Variants in SHH observed in about 807,000 individuals in gnomAD.
The protein encoded by SHH is sonic hedgehog protein.
A neutral mutation model predicts 16.6 loss-of-function variants in SHH; 3 were observed. The ratio of observed to expected loss-of-function variants is 0.18; its 90% CI spans 0.08 to 0.47. The LOEUF is 0.47. Ranked by LOEUF, SHH falls within the 20% of genes least tolerant of loss-of-function variation. The pLI, the probability that SHH is intolerant of heterozygous loss-of-function variation, is 0.98. For missense variants in SHH, 499 were observed against 665.0 expected (o/e 0.75, Z 2.75); for synonymous variants, 351 against 316.2 (o/e 1.11, Z -1.17).
rs777855133 is a variant in SHH, at chr7:155,803,041, G to A, written c.1248C>T (p.Thr416=). The A allele has an allele frequency of 6.5e-7, 1 of 1,527,928 alleles. No individual in the cohort carries two copies. Among genetic ancestry groups the A allele is most frequent in the Admixed American group, 2.0e-5 (1 of 50,452 alleles). 94.6% of individuals were successfully genotyped at this position (1,527,928 alleles called of 1,614,324 possible). A position where few individuals can be genotyped will look rare whatever the true frequency, so the allele number is the denominator to read the frequency against. Residue 416 remains threonine (T), a synonymous_variant, in exon 3 of 3, where the codon ACC becomes ACT. Coordinates refer to ENST00000297261, the MANE Select transcript of SHH (RefSeq NM_000193.4). The stretch of plus-strand genomic sequence containing the variant: ...CCGGAGCGTCGGCAGCACCTGGAGC[G>A]GTTAGGGCTACTCTGCCGCCGCCGC... The part of the protein sequence containing the change: ...RGGGGGRVAL[T]APGAADAPGA...
chr7:155,806,686 G>A (rs1445263802), intron 1 of SHH, 129 bp from the exon 2 acceptor site: 5 of 1,211,588 alleles, frequency 4.1e-6, no homozygotes, highest in Non-Finnish European at 6.1e-6. Flanking sequence ...GTGGGGAGAC[G>A]GGGGTTGGAA....
intron 1 of SHH, among the ~76,000 whole-genome samples, chr7:155,811,349 A>C (rs1803518597): frequency 6.6e-6 from 1 of 152,154 alleles, no homozygotes. Flanking sequence ...AGGCAACGGG[A>C]AACGTGGGGG....
At chr7:155,806,209 C>T in intron 2 of SHH, 87 bp downstream of exon 2, 1 of 1,544,854 alleles carries the variant, frequency 6.5e-7, no homozygotes, top group Non-Finnish European at 8.9e-7. Flanking sequence ...CCTCAGCCTC[C>T]CCCCAGGTTT....
chr7:155,803,749 G>A (rs773101758), intron 2 of SHH, 23 bp from the exon 3 acceptor site: 93 of 1,580,168 alleles, frequency 5.9e-5, no homozygotes, highest in Non-Finnish European at 7.6e-5. Context: ...AGAAGGGAAA[G>A]AAGAGAGGAC....
Position 155,801,387 on chromosome 7 carries a change from A to G in SHH, c.*1513T>C, listed in dbSNP as rs1803178092. 1 of 152,344 alleles carries G rather than the reference A, an allele frequency of 6.6e-6. No homozygotes were observed. 9.4% of individuals were successfully genotyped at this position (152,344 alleles called of 1,614,324 possible). A position where few individuals can be genotyped will look rare whatever the true frequency, so the allele number is the denominator to read the frequency against. On this transcript the variant is annotated 3_prime_UTR_variant, in exon 3 of 3. Coordinates refer to ENST00000297261, the MANE Select transcript of SHH (RefSeq NM_000193.4). ...GGGACACAACAGGACCTCAGAAAGCAGCAATGAGCCTCCTCCCTACAGATC... is the reference window on the plus strand; with the variant it reads ...GGGACACAACAGGACCTCAGAAAGCGGCAATGAGCCTCCTCCCTACAGATC...
chr7:155,811,898 T>G lies in SHH; in HGVS notation c.225A>C (p.Glu75Asp). Reference protein sequence around the residue: ...KISRNSERFKELTPNYNPDII... With the variant: ...KISRNSERFKDLTPNYNPDII... ...TGTCGGGGTTGTAATTGGGGGTGAG[T>G]TCCTTAAATCGCTCGGAGTTTCTGG... Residue 75 changes from glutamate to aspartate, a missense_variant, in exon 1 of 3, where the codon GAA (glutamate) becomes GAC (aspartate). Glu to Asp is a conservative substitution (Grantham distance 45). Coordinates refer to ENST00000297261, the MANE Select transcript of SHH (RefSeq NM_000193.4). 5 of 1,613,944 alleles carry G rather than the reference T, an allele frequency of 3.1e-6. No individual in the cohort carries two copies. The highest frequency in any genetic ancestry group is 4.2e-6 in the Non-Finnish European group (5 of 1,179,998).
At position 155,800,193 on chromosome 7, in the gene SHH, C is replaced by A; in HGVS notation, c.*2707G>T. The stretch of plus-strand genomic sequence containing the variant: ...CTCGTCCTGGCGGGGCTGGGCTGCA[C>A]CCTCTTGATGCCCTGTACCTAGTGT... On this transcript the variant is annotated 3_prime_UTR_variant, in exon 3 of 3. Coordinates refer to ENST00000297261, the MANE Select transcript of SHH (RefSeq NM_000193.4). 1 of 471,184 alleles carries A rather than the reference C, an allele frequency of 2.1e-6. No homozygotes were observed. The highest frequency in any genetic ancestry group is 1.5e-5 in the South Asian group (1 of 64,574). The allele number at this position is 471,184 out of a possible 1,614,324, so 29.2% of individuals were successfully genotyped here.
intron 2 of SHH, 124 bp downstream of exon 2, chr7:155,806,172 T>C (rs1038480079): frequency 1.8e-5 from 22 of 1,241,120 alleles, no homozygotes; most frequent in Admixed American, 8.8e-5. Flanking sequence ...GGAAACGCAG[T>C]CATCGCCCAG....
chr7:155,800,393 TC>T lies in SHH; in HGVS notation c.*2506del. 2.6e-6 allele frequency: 1 copy of T among 386,892 alleles called. No homozygotes were observed. The highest frequency in any genetic ancestry group is 3.0e-5 in the Admixed American group (1 of 33,312). 24.0% of individuals were successfully genotyped at this position (386,892 alleles called of 1,614,324 possible). On this transcript the variant is annotated 3_prime_UTR_variant, in exon 3 of 3. Coordinates refer to ENST00000297261, the MANE Select transcript of SHH (RefSeq NM_000193.4). ...GCCACCCAGGAGTGAGGATTTCCCA[TC>T]CGGGTGAAGCTCTGCTCCAAGGTGC...
In SHH at chr7:155,800,574, C is replaced by G. The variant is rs1029453320; in HGVS notation, c.*2326G>C. ...GTGCCCGGTGCTTCTGGTTCGCTTT[C>G]GACTGACTTGAAATCAGACTGAACT... On this transcript the variant is annotated 3_prime_UTR_variant, in exon 3 of 3. Transcript: ENST00000297261. 50 of 470,766 alleles carry G rather than the reference C, an allele frequency of 1.1e-4. No homozygotes were observed. Among genetic ancestry groups the G allele is most frequent in the African/African-American group, 9.4e-4 (47 of 50,098 alleles). 29.2% of individuals were successfully genotyped at this position (470,766 alleles called of 1,614,324 possible). A position where few individuals can be genotyped will look rare whatever the true frequency, so the allele number is the denominator to read the frequency against.
chr7:155,806,650 T>G, intron 1 of SHH, 93 bp from the exon 2 acceptor site: 1 of 1,524,548 alleles, frequency 6.6e-7, no homozygotes. Context: ...CTGCCCAGTC[T>G]CAAGGCGCGA....
chr7:155,812,125 C>A lies in SHH; in HGVS notation c.-3G>T. ...AGACATCTCGCCAGCAGCAGCATCT[C>A]GCCCATGGAACTGATGACTTCCGAG... On this transcript the variant is annotated 5_prime_UTR_variant, in exon 1 of 3. The change creates a premature stop within an existing upstream ORF in the 5' untranslated region. Coordinates refer to ENST00000297261, the MANE Select transcript of SHH (RefSeq NM_000193.4). 6.2e-7 allele frequency: 1 copy of A among 1,614,054 alleles called. No individual in the cohort carries two copies. Among genetic ancestry groups the A allele is most frequent in the Non-Finnish European group, 8.5e-7 (1 of 1,179,992 alleles).
chr7:155,803,943 G>A (rs6968409), intron 2 of SHH, among the ~76,000 whole-genome samples: 2 of 151,826 alleles, frequency 1.3e-5, no homozygotes, highest in Admixed American at 6.5e-5. Flanking sequence ...ATTCCTTAAC[G>A]ACTCTCTAAG....
chr7:155,803,819 C>G (rs1399924569), intron 2 of SHH, 93 bp from the exon 3 acceptor site: 13 of 1,167,582 alleles, frequency 1.1e-5, no homozygotes, highest in East Asian at 7.5e-5. Context: ...GCTTGGTGCC[C>G]GCGCTCCTAG....
chr7:155,806,644 C>A, intron 1 of SHH, 87 bp from the exon 2 acceptor site: 2 of 1,560,340 alleles, frequency 1.3e-6, no homozygotes, highest in Non-Finnish European at 1.8e-6. Context: ...CCTGCCCTGC[C>A]CAGTCTCAAG....
chr7:155,811,270 C>A (rs1803516986), intron 1 of SHH, among the ~76,000 whole-genome samples: 1 of 152,204 alleles, frequency 6.6e-6, no homozygotes, highest in South Asian at 2.1e-4. Flanking sequence ...CGCCTCCTGG[C>A]TTTTCCAGTT....
At chr7:155,811,718 C>T (rs1803527055) in intron 1 of SHH, 105 bp downstream of exon 1, 1 of 1,164,112 alleles carries the variant, frequency 8.6e-7, no homozygotes, top group Non-Finnish European at 1.3e-6. Context: ...GTGAAATCAC[C>T]TTCCTATCTG....
chr7:155,806,150 A>G (rs1017839545), intron 2 of SHH, 146 bp downstream of exon 2: 5 of 961,906 alleles, frequency 5.2e-6, no homozygotes, highest in African/African-American at 3.2e-5. Context: ...CTCACAGGGC[A>G]GGTTCCACCG....
In SHH at chr7:155,807,968, G is replaced by A. The variant is rs1584802250; in HGVS notation, c.301-1411C>T. On this transcript the variant is annotated intron_variant, in intron 1 of 2. Coordinates refer to ENST00000297261, the MANE Select transcript of SHH (RefSeq NM_000193.4). This position sits in a 1 kb window ranked among gnomAD's most constrained non-coding sequence, Gnocchi z 7.1. ...GACTCTTTCGAGAGGGTGGGGCGAGGACGCTGGCCCCACTGCTGCGGCGCT... is the reference window on the plus strand; with the variant it reads ...GACTCTTTCGAGAGGGTGGGGCGAGAACGCTGGCCCCACTGCTGCGGCGCT... Among the ~76,000 whole-genome samples, 1 of 152,156 alleles carries A rather than the reference G, an allele frequency of 6.6e-6. No individual in the cohort carries two copies. The highest frequency in any genetic ancestry group is 1.9e-4 in the East Asian group (1 of 5,194).
Sources: allele counts gnomAD v4.1 joint callset (sites outside exome capture counted in the v4.1 genomes callset), GRCh38; gene constraint gnomAD v4.1.1; non-coding constraint Gnocchi (gnomAD v3.1); transcripts MANE v1.5; gene names NCBI Gene and HGNC (gene_info 2026-07-23, HGNC 2026-07-21).